ZNF827: variants seen among roughly 807,000 people sequenced by gnomAD.
ZNF827 encodes zinc finger protein 827.
In ZNF827, 13 loss-of-function variants were observed where a neutral mutation model predicts 102.4. That is an observed-to-expected ratio of 0.13 (90% confidence interval 0.08 to 0.20). The LOEUF is 0.20. Among genes scored for constraint, ZNF827 ranks in the 10% least tolerant of loss-of-function variants. ZNF827 has a pLI of 1.00. For missense variants in ZNF827, 1,103 were observed against 1,344.4 expected (o/e 0.82, Z 2.81); for synonymous variants, 523 against 536.2 (o/e 0.98, Z 0.34).
intron 8 of ZNF827, among the ~76,000 whole-genome samples, chr4:145,810,012 T>A (rs1362667447): frequency 2.0e-5 from 3 of 152,210 alleles, no homozygotes. Flanking sequence ...ATCAGGCAAT[T>A]ACATGATTAT....
intron 11 of ZNF827, among the ~76,000 whole-genome samples, chr4:145,770,675 A>C (rs1157465613): frequency 1.3e-5 from 2 of 152,184 alleles, no homozygotes; most frequent in Non-Finnish European, 2.9e-5. Context: ...GCTCTCAAAA[A>C]ATTCTTGAAA....
rs188613530 is a variant in ZNF827, at chr4:145,858,487, A to C, written c.1982-8926T>G. 5.6e-3 allele frequency among the ~76,000 whole-genome samples: 852 copies of C among 151,932 alleles called. 3 individuals are homozygous for C. The highest frequency in any genetic ancestry group is 9.9e-3 in the Non-Finnish European group (674 of 67,920). On this transcript the variant is annotated intron_variant, in intron 5 of 14. Transcript: ENST00000508784. ...CCAGTCTCTACAAAAGATAAAAATC[A>C]AAAAATTAGCTGGGCTTGGTGGCAC...
At chr4:145,844,724 AT>A (rs1185815399) in intron 7 of ZNF827, among the ~76,000 whole-genome samples, 16 of 145,840 alleles carry the variant, frequency 1.1e-4, no homozygotes, top group South Asian at 4.6e-4. Context: ...AAATAAATAA[AT>A]AAATAAAATA....
At chr4:145,892,596 A>G (rs1000922896) in intron 2 of ZNF827, among the ~76,000 whole-genome samples, 181 bp from the exon 3 acceptor site, 1 of 152,230 alleles carries the variant, frequency 6.6e-6, no homozygotes, top group Non-Finnish European at 1.5e-5. Flanking sequence ...GTAGAAACCC[A>G]TATTCACCTA....
At chr4:145,927,706 T>C (rs796932719) in intron 1 of ZNF827, among the ~76,000 whole-genome samples, 58 of 152,320 alleles carry the variant, frequency 3.8e-4, no homozygotes, top group African/African-American at 1.4e-3. Flanking sequence ...GACCATCAAA[T>C]GGTCCAGCCC....
At position 145,762,200 on chromosome 4, in the gene ZNF827, T is replaced by C. The variant is rs1323228869; in HGVS notation, c.*18-602A>G. 6.6e-6 allele frequency among the ~76,000 whole-genome samples: 1 copy of C among 152,154 alleles called. No individual in the cohort carries two copies. Among genetic ancestry groups the C allele is most frequent in the Non-Finnish European group, 1.5e-5 (1 of 68,020 alleles). The stretch of plus-strand genomic sequence containing the variant: ...GTCTCTCTGTGTGAGTGTGTGCATG[T>C]GTACATATCTATGTACTCGTAAAAC... On this transcript the variant is annotated intron_variant, in intron 14 of 14. Coordinates refer to ENST00000508784, the MANE Select transcript of ZNF827 (RefSeq NM_001306215.2). This position sits in a 1 kb window ranked among gnomAD's most constrained non-coding sequence, Gnocchi z 4.9.
At position 145,763,650 on chromosome 4, in the gene ZNF827, T is replaced by C. The variant is rs1312077983; in HGVS notation, c.3231-528A>G. 6.6e-6 allele frequency among the ~76,000 whole-genome samples: 1 copy of C among 152,194 alleles called. No individual in the cohort carries two copies. Among genetic ancestry groups the C allele is most frequent in the Non-Finnish European group, 1.5e-5 (1 of 68,020 alleles). ...GCAATGTTCATGGGTGTGACTGGGC[T>C]ACTGGGAAGGGCAGTGAGCACTGGT... is the stretch of plus-strand genomic sequence containing the variant. On this transcript the variant is annotated intron_variant, in intron 13 of 14. Coordinates refer to ENST00000508784, the MANE Select transcript of ZNF827 (RefSeq NM_001306215.2). The surrounding 1 kb of genome is among the most constrained non-coding windows in gnomAD (Gnocchi z 4.6).
Position 145,814,128 on chromosome 4 carries a change from T to A in ZNF827, c.2383+9294A>T, listed in dbSNP as rs1320014750. Among the ~76,000 whole-genome samples the A allele has an allele frequency of 2.6e-5, 4 of 152,164 alleles. No homozygotes were observed. In the East Asian group the frequency reaches 7.7e-4, roughly 29 times the overall value. On this transcript the variant is annotated intron_variant, in intron 8 of 14. Transcript: ENST00000508784. ...ATGCTCAAAGGAAATGCTCTCAGAT[T>A]TTTGAATTTGGGATGCTCATCCAGT...
intron 9 of ZNF827, among the ~76,000 whole-genome samples, chr4:145,776,484 G>C (rs1320205369): frequency 6.8e-6 from 1 of 147,338 alleles, no homozygotes. Flanking sequence ...AAAAAAAAAA[G>C]TCCCAGGGCA....
chr4:145,819,431 A>G (rs1173464744), intron 8 of ZNF827, among the ~76,000 whole-genome samples: 20 of 152,220 alleles, frequency 1.3e-4, no homozygotes, highest in Admixed American at 1.3e-3. Flanking sequence ...GCTTACAGCA[A>G]GATGATGGGA....
chr4:145,845,085 TG>T (rs1224396952), intron 7 of ZNF827, among the ~76,000 whole-genome samples: 3 of 152,252 alleles, frequency 2.0e-5, no homozygotes, highest in African/African-American at 7.2e-5. Context: ...GTATTGCTCT[TG>T]ATCATCCTGT....
At chr4:145,804,627 C>T (rs757076883) in intron 8 of ZNF827, among the ~76,000 whole-genome samples, 9 of 152,164 alleles carry the variant, frequency 5.9e-5, no homozygotes, top group African/African-American at 1.2e-4. Flanking sequence ...GGAACTGGTA[C>T]ATTTAGTTGA....
intron 7 of ZNF827, among the ~76,000 whole-genome samples, chr4:145,842,685 C>T (rs1034466195): frequency 7.9e-5 from 12 of 152,214 alleles, no homozygotes; most frequent in Middle Eastern, 3.4e-3. Flanking sequence ...AGTGGAGGAG[C>T]GTAGGCATTC....
rs561063646 is a variant in ZNF827, at chr4:145,794,675, G to A, written c.2384-15164C>T. Among the ~76,000 whole-genome samples the A allele has an allele frequency of 3.9e-5, 6 of 152,054 alleles. No individual in the cohort carries two copies. In the South Asian group the frequency reaches 1.0e-3, roughly 26 times the overall value. On this transcript the variant is annotated intron_variant, in intron 8 of 14. Transcript: ENST00000508784. ...GGTTAAGGCCACTGCACTTCAGCCC[G>A]GGCGACAGGGCGAGACCCTGTCTCA...
In ZNF827 at chr4:145,805,462, T is replaced by C. The variant is rs1741326287; in HGVS notation, c.2383+17960A>G. Among the ~76,000 whole-genome samples, 4 of 152,184 alleles carry C rather than the reference T, an allele frequency of 2.6e-5. No homozygotes were observed. In the South Asian group the frequency reaches 8.3e-4, roughly 32 times the overall value. On this transcript the variant is annotated intron_variant, in intron 8 of 14. Coordinates refer to ENST00000508784, the MANE Select transcript of ZNF827 (RefSeq NM_001306215.2). ...GAAAAATATTGGGCAACACTCACCA[T>C]CAATAATTAACTAATTATTAAAGGA...
At chr4:145,899,020 T>C (rs1453561646) in intron 2 of ZNF827, among the ~76,000 whole-genome samples, 1 of 152,172 alleles carries the variant, frequency 6.6e-6, no homozygotes, top group Non-Finnish European at 1.5e-5. Flanking sequence ...TAGTTTATTT[T>C]TGTGGCTTTT....
intron 9 of ZNF827, 75 bp from the exon 10 acceptor site, chr4:145,776,035 T>C: frequency 5.8e-6 from 9 of 1,543,582 alleles, no homozygotes; most frequent in Non-Finnish European, 8.0e-6. Flanking sequence ...AAGAATCAGT[T>C]AAAGGTATCA....
intron 7 of ZNF827, among the ~76,000 whole-genome samples, chr4:145,830,065 A>C (rs1406652086): frequency 1.3e-5 from 2 of 152,202 alleles, no homozygotes; most frequent in African/African-American, 4.8e-5. Context: ...AATTAATCTG[A>C]CTTTAGTTCA....
rs1298223078 is a variant in ZNF827, at chr4:145,765,165, C to T, written c.3053G>A (p.Gly1018Glu). The T allele has an allele frequency of 1.2e-6, 2 of 1,600,868 alleles. No homozygotes were observed. Among genetic ancestry groups the T allele is most frequent in the South Asian group, 1.1e-5 (1 of 87,664 alleles). The change falls in exon 13 of 15, where the codon GGG (glycine) becomes GAG (glutamate). Residue 1018 changes from glycine to glutamate, a missense_variant and splice_region_variant. Gly to Glu is a moderately conservative substitution (Grantham distance 98). Coordinates refer to ENST00000508784, the MANE Select transcript of ZNF827 (RefSeq NM_001306215.2). The surrounding 1 kb of genome is among the most constrained non-coding windows in gnomAD (Gnocchi z 4.7). ...SLNSEEKPEK[G>E]FECVFCNFVC... is the part of the protein sequence containing the mutation. ...AAAGTTGCAAAAAACACATTCGAAC[C>T]CTGCAAGGACCGAAGCTGGGTATAG...
Sources: gnomAD v4.1 joint callset for allele counts (sites outside exome capture counted in the v4.1 genomes callset) on GRCh38, gnomAD v4.1.1 for gene constraint, Gnocchi (gnomAD v3.1) non-coding constraint, MANE v1.5 for transcripts, NCBI Gene and HGNC (gene_info 2026-07-23, HGNC 2026-07-21) for gene names.